CACNA2D1: variants seen among roughly 807,000 people sequenced by gnomAD.
CACNA2D1 encodes voltage-dependent calcium channel subunit alpha-2/delta-1.
Under a neutral mutation model 171.5 loss-of-function variants are expected in CACNA2D1, and 53 were observed. The ratio of observed to expected loss-of-function variants is 0.31; its 90% CI spans 0.25 to 0.39. The LOEUF is 0.39. CACNA2D1 is among the 10% of genes least tolerant of loss of function. The pLI, the probability that CACNA2D1 is intolerant of heterozygous loss-of-function variation, is 1.00. For missense variants in CACNA2D1, 903 were observed against 1,299.8 expected (o/e 0.69, Z 4.69); for synonymous variants, 442 against 443.1 (o/e 1.00, Z 0.03).
chr7:82,275,653 A>G (rs942393629), intron 3 of CACNA2D1, among the ~76,000 whole-genome samples: 1 of 152,096 alleles, frequency 6.6e-6, no homozygotes, highest in Non-Finnish European at 1.5e-5. Flanking sequence ...ACTTTCCACA[A>G]GCAACACTTC....
intron 6 of CACNA2D1, among the ~76,000 whole-genome samples, chr7:82,092,380 T>A (rs1440329886): frequency 6.6e-6 from 1 of 152,072 alleles, no homozygotes; most frequent in Non-Finnish European, 1.5e-5. Context: ...ACAGTCATTT[T>A]TTTTTTCTTG....
intron 3 of CACNA2D1, among the ~76,000 whole-genome samples, chr7:82,177,865 C>T (rs1796712380): frequency 6.6e-6 from 1 of 152,080 alleles, no homozygotes; most frequent in Non-Finnish European, 1.5e-5. Flanking sequence ...GATGACTAAA[C>T]ACTGTTTATA....
At chr7:82,443,079 G>T (rs1004642443) in intron 1 of CACNA2D1, among the ~76,000 whole-genome samples, 21 of 152,310 alleles carry the variant, frequency 1.4e-4, no homozygotes, top group Middle Eastern at 3.4e-3. Context: ...AGAGAATCCC[G>T]TTAGAGACGG....
intron 5 of CACNA2D1, among the ~76,000 whole-genome samples, chr7:82,119,250 A>C (rs1443240315): frequency 6.6e-6 from 1 of 152,168 alleles, no homozygotes; most frequent in African/African-American, 2.4e-5. Flanking sequence ...ACCATATACA[A>C]ATGTGTACAG....
chr7:82,435,124 C>T (rs146592613), intron 1 of CACNA2D1, among the ~76,000 whole-genome samples: 13,382 of 150,836 alleles, frequency 0.089, 2,046 homozygotes, highest in African/African-American at 0.31. Context: ...CAACATCCGC[C>T]TCCCGGGTTC....
intron 4 of CACNA2D1, among the ~76,000 whole-genome samples, chr7:82,155,733 T>A (rs1334665912): frequency 1.3e-5 from 2 of 152,154 alleles, no homozygotes; most frequent in Non-Finnish European, 2.9e-5. Flanking sequence ...ATAATGCTGA[T>A]GACATTTTAA....
intron 2 of CACNA2D1, among the ~76,000 whole-genome samples, chr7:82,347,175 T>C (rs1322330518): frequency 6.6e-6 from 1 of 152,188 alleles, no homozygotes; most frequent in Non-Finnish European, 1.5e-5. Flanking sequence ...ATTTGTAAAG[T>C]TGAAGCACTG....
chr7:81,955,737 A>G (rs1164186212), intron 38 of CACNA2D1, among the ~76,000 whole-genome samples: 2 of 151,890 alleles, frequency 1.3e-5, no homozygotes, highest in African/African-American at 4.8e-5. Flanking sequence ...AAGCAAGTCA[A>G]TAATTGTCCA....
intron 3 of CACNA2D1, among the ~76,000 whole-genome samples, chr7:82,239,726 C>A (rs906629416): frequency 6.6e-6 from 1 of 151,746 alleles, no homozygotes; most frequent in African/African-American, 2.4e-5. Flanking sequence ...CTCTTTTTTT[C>A]ATTAGATTAG....
At position 82,407,192 on chromosome 7, in the gene CACNA2D1, G is replaced by C. The variant is rs957198038; in HGVS notation, c.95+36173C>G. Among the ~76,000 whole-genome samples the C allele has an allele frequency of 3.9e-5, 6 of 152,310 alleles. No individual in the cohort carries two copies. The East Asian group carries it at 1.2e-3, about 29-fold the overall frequency. On this transcript the variant is annotated intron_variant, in intron 1 of 38. Transcript: ENST00000356860. ...AATTCTGTGACATCTGCTTACCAGA[G>C]AGCACACATATAAGGTGTGTGAGCT...
At chr7:82,274,437 T>C (rs986665005) in intron 3 of CACNA2D1, among the ~76,000 whole-genome samples, 6 of 152,204 alleles carry the variant, frequency 3.9e-5, no homozygotes, top group African/African-American at 1.4e-4. Context: ...TTCCTAGAAA[T>C]AGCAAAAATT....
intron 1 of CACNA2D1, among the ~76,000 whole-genome samples, chr7:82,401,364 TA>T (rs1826387370): frequency 6.7e-6 from 1 of 150,342 alleles, no homozygotes; most frequent in Admixed American, 6.6e-5. Flanking sequence ...CACCATGGAA[TA>T]CTATGCAGCC....
At chr7:82,341,397 T>C (rs942674612) in intron 2 of CACNA2D1, among the ~76,000 whole-genome samples, 1 of 152,190 alleles carries the variant, frequency 6.6e-6, no homozygotes, top group Non-Finnish European at 1.5e-5. Context: ...TGTTAGAATA[T>C]ACTTTAACAA....
At chr7:82,186,988 A>C (rs1176216147) in intron 3 of CACNA2D1, among the ~76,000 whole-genome samples, 1 of 152,218 alleles carries the variant, frequency 6.6e-6, no homozygotes, top group Non-Finnish European at 1.5e-5. Context: ...ATTAGTATTC[A>C]GTGACTCTAG....
At position 82,005,690 on chromosome 7, in the gene CACNA2D1, T is replaced by C; in HGVS notation, c.1515+75A>G. On this transcript the variant is annotated intron_variant, in intron 17 of 38. Transcript: ENST00000356860. Reference sequence around the variant, plus strand: ...GATAACTGCCCATAATTTTTGAGAATTACCTAAGTGCCAAGCTAAGTTAGT... The same window carrying C: ...GATAACTGCCCATAATTTTTGAGAACTACCTAAGTGCCAAGCTAAGTTAGT... 2.8e-6 allele frequency: 3 copies of C among 1,071,926 alleles called. No homozygotes were observed. In the South Asian group the frequency reaches 3.8e-5, roughly 14 times the overall value. 66.4% of individuals were successfully genotyped at this position (1,071,926 alleles called of 1,614,324 possible). A position where few individuals can be genotyped will look rare whatever the true frequency, so the allele number is the denominator to read the frequency against.
At chr7:82,229,273 A>G (rs891739802) in intron 3 of CACNA2D1, among the ~76,000 whole-genome samples, 9 of 152,216 alleles carry the variant, frequency 5.9e-5, no homozygotes, top group Non-Finnish European at 7.4e-5. Flanking sequence ...TCCCAAATGC[A>G]CCAAACGCAA....
intron 1 of CACNA2D1, among the ~76,000 whole-genome samples, chr7:82,361,392 C>T (rs931734215): frequency 3.9e-5 from 6 of 152,012 alleles, no homozygotes; most frequent in Non-Finnish European, 5.9e-5. Flanking sequence ...TCCAATAACC[C>T]CTTTCAGAAA....
chr7:82,199,245 T>C (rs927549103), intron 3 of CACNA2D1, among the ~76,000 whole-genome samples: 2 of 152,142 alleles, frequency 1.3e-5, no homozygotes, highest in African/African-American at 4.8e-5. Flanking sequence ...TGTGTTCAGT[T>C]TGTGAGCATA....
At chr7:82,030,300 T>C (rs971396644) in intron 12 of CACNA2D1, among the ~76,000 whole-genome samples, 6 of 151,572 alleles carry the variant, frequency 4.0e-5, no homozygotes, top group African/African-American at 1.5e-4. Flanking sequence ...TTACTTTCCT[T>C]ATAACATAAA....
Sources: allele counts gnomAD v4.1 joint callset (sites outside exome capture counted in the v4.1 genomes callset), GRCh38; gene constraint gnomAD v4.1.1; transcripts MANE v1.5; gene names NCBI Gene and HGNC (gene_info 2026-07-23, HGNC 2026-07-21).